ADAMTS18: variants seen among roughly 807,000 people sequenced by gnomAD.
The protein encoded by ADAMTS18 is ADAM metallopeptidase with thrombospondin type 1 motif 18.
ADAMTS18 carries 157 observed loss-of-function variants against 165.9 expected under a neutral mutation model. That is an observed-to-expected ratio of 0.95 (90% CI 0.83 to 1.08). The LOEUF (loss-of-function observed/expected upper bound fraction) is 1.08. ADAMTS18 is among the 50% of genes least tolerant of loss of function. The pLI, the probability that ADAMTS18 is intolerant of heterozygous loss-of-function variation, is 0.00. For missense variants in ADAMTS18, 2,040 were observed against 1,534.0 expected, an observed-to-expected ratio of 1.33 and a Z score of -5.51; for synonymous variants, 782 against 578.2, an observed-to-expected ratio of 1.35 and a Z score of -5.06.
chr16:77,344,603 C>G (rs1395231150), intron 10 of ADAMTS18, among the ~76,000 whole-genome samples: 1 of 152,118 alleles, frequency 6.6e-6, no homozygotes, highest in African/African-American at 2.4e-5. Flanking sequence ...AGCCATAACC[C>G]ACACCCAGTG....
intron 16 of ADAMTS18, among the ~76,000 whole-genome samples, chr16:77,316,063 T>C (rs182446042): frequency 6.6e-6 from 1 of 152,312 alleles, no homozygotes; most frequent in East Asian, 1.9e-4. Context: ...TCATTTCTTA[T>C]ACATGTCTAG....
chr16:77,373,018 C>T (rs1022165412), intron 3 of ADAMTS18, among the ~76,000 whole-genome samples: 4 of 152,172 alleles, frequency 2.6e-5, no homozygotes, highest in South Asian at 2.1e-4. Context: ...CTAAACAGGA[C>T]GCTCCTTTCA....
chr16:77,381,066 G>A (rs1287385564), intron 3 of ADAMTS18, among the ~76,000 whole-genome samples: 1 of 151,998 alleles, frequency 6.6e-6, no homozygotes, highest in Non-Finnish European at 1.5e-5. Context: ...TAGAGACGGG[G>A]TTTCACCATG....
At chr16:77,295,707 A>C (rs752664771) in intron 18 of ADAMTS18, among the ~76,000 whole-genome samples, 1 of 152,166 alleles carries the variant, frequency 6.6e-6, no homozygotes, top group Non-Finnish European at 1.5e-5. Context: ...TACTTCCCCA[A>C]ATTACTTTTC....
intron 16 of ADAMTS18, among the ~76,000 whole-genome samples, chr16:77,306,962 A>G (rs1427344712): frequency 6.6e-6 from 1 of 152,174 alleles, no homozygotes; most frequent in South Asian, 2.1e-4. Context: ...TTCTAATTTA[A>G]AATTCTAAAA....
At chr16:77,388,552 T>C (rs2057141389) in intron 3 of ADAMTS18, among the ~76,000 whole-genome samples, 1 of 152,220 alleles carries the variant, frequency 6.6e-6, no homozygotes. Flanking sequence ...GATGAGTTAC[T>C]GATTTTTGTG....
rs113979389 is a variant in ADAMTS18 at position 77,431,606 on chromosome 16, C to G, written c.184G>C (p.Val62Leu). Residue 62 changes from valine (V) to leucine (L), a missense_variant, in exon 3 of 23, where the codon GTC becomes CTC. Coordinates refer to ENST00000282849, the MANE Select transcript of ADAMTS18 (RefSeq NM_199355.4). ...TCTACTTCTACTGGCGTGACAAAGACGTAATCTGCAATGGGAAAAGTTCAG... is the reference window on the plus strand; with the variant it reads ...TCTACTTCTACTGGCGTGACAAAGAGGTAATCTGCAATGGGAAAAGTTCAG... ...SGASGLNDDY[V>L]FVTPVEVDSA... 19 of 1,613,920 alleles carry G rather than the reference C, an allele frequency of 1.2e-5. No homozygotes were observed. Among genetic ancestry groups the G allele is most frequent in the Non-Finnish European group, 1.5e-5 (18 of 1,179,956 alleles).
chr16:77,366,155 G>C (rs8043694), intron 4 of ADAMTS18, among the ~76,000 whole-genome samples: 57,103 of 152,094 alleles, frequency 0.38, 13,297 homozygotes, highest in African/African-American at 0.63. Context: ...TTCTCCATGA[G>C]AATAAACTTC....
At chr16:77,375,930 T>A (rs1394087705) in intron 3 of ADAMTS18, among the ~76,000 whole-genome samples, 1 of 130,768 alleles carries the variant, frequency 7.6e-6, no homozygotes, top group African/African-American at 2.9e-5. Context: ...TGAGACGGAG[T>A]TTGGCTCTTG....
intron 3 of ADAMTS18, among the ~76,000 whole-genome samples, chr16:77,407,223 T>C (rs2057404239): frequency 6.6e-6 from 1 of 151,978 alleles, no homozygotes; most frequent in Non-Finnish European, 1.5e-5. Flanking sequence ...AGAAAATAAA[T>C]ACAATTATTC....
At chr16:77,351,168 C>T (rs2056550559) in intron 10 of ADAMTS18, among the ~76,000 whole-genome samples, 1 of 152,142 alleles carries the variant, frequency 6.6e-6, no homozygotes, top group Non-Finnish European at 1.5e-5. Context: ...GGTTTAAAAA[C>T]AATACCAAAA....
intron 11 of ADAMTS18, among the ~76,000 whole-genome samples, chr16:77,336,855 C>T (rs1382425654): frequency 6.6e-6 from 1 of 152,222 alleles, no homozygotes; most frequent in Non-Finnish European, 1.5e-5. Flanking sequence ...TTCTGCATGA[C>T]TTAGCATAAC....
chr16:77,380,424 A>G (rs909155239), intron 3 of ADAMTS18, among the ~76,000 whole-genome samples: 5 of 152,230 alleles, frequency 3.3e-5, no homozygotes, highest in Non-Finnish European at 7.3e-5. Flanking sequence ...ACCAGAATAC[A>G]GCGTCATGGC....
chr16:77,401,381 T>A (rs1267441792), intron 3 of ADAMTS18, among the ~76,000 whole-genome samples: 1 of 152,244 alleles, frequency 6.6e-6, no homozygotes, highest in African/African-American at 2.4e-5. Context: ...TTCAGACCTT[T>A]ACTGAAATTA....
At chr16:77,393,508 G>A (rs1352683765) in intron 3 of ADAMTS18, among the ~76,000 whole-genome samples, 2 of 152,192 alleles carry the variant, frequency 1.3e-5, no homozygotes, top group Non-Finnish European at 2.9e-5. Context: ...GATGGTCTTA[G>A]GAGGTAGGAT....
chr16:77,371,218 T>TAAAAACAAAAACAAAAAC (rs139311207), intron 3 of ADAMTS18, among the ~76,000 whole-genome samples: 5 of 149,692 alleles, frequency 3.3e-5, no homozygotes, highest in African/African-American at 1.2e-4. Context: ...CTGACTCAAT[T>TAAAAACAAAAACAAAAAC]AAAAACAAAA....
At chr16:77,425,319 T>C (rs2057657666) in intron 3 of ADAMTS18, among the ~76,000 whole-genome samples, 2 of 152,134 alleles carry the variant, frequency 1.3e-5, no homozygotes, top group Admixed American at 1.3e-4. Flanking sequence ...GCATCAGGAA[T>C]TGAGGCTGGA....
chr16:77,356,984 AATTTTT>A (rs2144721166), intron 8 of ADAMTS18, among the ~76,000 whole-genome samples: 1 of 115,992 alleles, frequency 8.6e-6, no homozygotes, highest in South Asian at 3.0e-4. Flanking sequence ...TCTTTTCTGA[AATTTTT>A]TTTTTTTTTT....
chr16:77,431,889 G>A, intron 2 of ADAMTS18: 1 of 512,498 alleles, frequency 2.0e-6, no homozygotes, highest in Non-Finnish European at 3.5e-6. Context: ...CTCATTGTCT[G>A]GAGAGAGATT....
Sources: allele counts gnomAD v4.1 joint callset (sites outside exome capture counted in the v4.1 genomes callset), GRCh38; gene constraint gnomAD v4.1.1; transcripts MANE v1.5; gene names NCBI Gene and HGNC (gene_info 2026-07-23, HGNC 2026-07-21).